The following DCDC1 variants were observed in gnomAD, a reference collection of about 807,000 sequenced individuals.
The protein encoded by DCDC1 is doublecortin domain containing 1.
Under a neutral mutation model 178.3 loss-of-function variants are expected in DCDC1, and 200 were observed. That is an observed-to-expected ratio of 1.12 (90% CI 1.00 to 1.26). The LOEUF is 1.26. Among genes scored for constraint, DCDC1 ranks in the 50% most tolerant of loss-of-function variants. The pLI is 0.00. For synonymous variants in DCDC1, 690 were observed against 604.8 expected (o/e 1.14, Z -2.07); for missense variants, 1,983 against 1,749.2 (o/e 1.13, Z -2.38).
chr11:30,870,644 T>C (rs1478291064), intron 38 of DCDC1, among the ~76,000 whole-genome samples: 4 of 152,222 alleles, frequency 2.6e-5, no homozygotes, highest in Non-Finnish European at 5.9e-5. Flanking sequence ...GTTTTGCCAG[T>C]CTCTGCAACA....
At chr11:31,191,688 A>G (rs559973531) in intron 9 of DCDC1, among the ~76,000 whole-genome samples, 1 of 152,168 alleles carries the variant, frequency 6.6e-6, no homozygotes, top group Admixed American at 6.6e-5. Flanking sequence ...AGTGATGTCC[A>G]TGGAGGGTTG....
intron 2 of DCDC1, among the ~76,000 whole-genome samples, chr11:31,334,477 T>G (rs997086646): frequency 6.6e-6 from 1 of 152,238 alleles, no homozygotes; most frequent in African/African-American, 2.4e-5. Flanking sequence ...TTTTTAGAAT[T>G]GTCAGCTTTT....
At chr11:31,318,872 G>C (rs1949224078) in intron 3 of DCDC1, among the ~76,000 whole-genome samples, 1 of 61,878 alleles carries the variant, frequency 1.6e-5, no homozygotes, top group Non-Finnish European at 2.8e-5. Context: ...TGTTCTCGTT[G>C]GTTTCAAAGA....
At chr11:31,048,646 G>A (rs1955025537) in intron 20 of DCDC1, among the ~76,000 whole-genome samples, 1 of 152,156 alleles carries the variant, frequency 6.6e-6, no homozygotes. Context: ...GAGGTCAGGA[G>A]ATCGAGACCA....
Position 31,094,042 on chromosome 11 carries a change from T to A in DCDC1, c.2118+8A>T. ...GGTCACTCAGCAAAAGCAGACACTC[T>A]TAGGTACCTTGGTGATCAGCCACAC... On this transcript the variant is annotated splice_region_variant and intron_variant, in intron 16 of 38. Transcript: ENST00000684477. The A allele has an allele frequency of 1.3e-6, 1 of 765,900 alleles. No homozygotes were observed. Among genetic ancestry groups the A allele is most frequent in the Non-Finnish European group, 2.4e-6 (1 of 417,630 alleles). 47.4% of individuals were successfully genotyped at this position (765,900 alleles called of 1,614,324 possible). A position where few individuals can be genotyped will look rare whatever the true frequency, so the allele number is the denominator to read the frequency against.
chr11:31,290,836 A>G lies in DCDC1; in HGVS notation c.771T>C (p.Ile257=). The G allele has an allele frequency of 1.2e-6, 2 of 1,611,330 alleles. No homozygotes were observed. Among genetic ancestry groups the G allele is most frequent in the Non-Finnish European group, 1.7e-6 (2 of 1,178,890 alleles). Residue 257 remains isoleucine, a synonymous_variant, in exon 7 of 39, where the codon ATT becomes ATC. Coordinates refer to ENST00000684477, the MANE Select transcript of DCDC1 (RefSeq NM_001387274.1). The part of the protein sequence containing the change: ...FKKIKDHLLL[I]KKVTWTMNGL... ...CATTCATTGTCCAAGTTACTTTCTTAATTAACAACAGATGGTCTAGAAGAT... is the reference window on the plus strand; with the variant it reads ...CATTCATTGTCCAAGTTACTTTCTTGATTAACAACAGATGGTCTAGAAGAT...
intron 20 of DCDC1, among the ~76,000 whole-genome samples, chr11:31,055,203 T>C (rs1009982893): frequency 1.3e-5 from 2 of 151,928 alleles, no homozygotes; most frequent in African/African-American, 4.8e-5. Flanking sequence ...CAAAAGAAGA[T>C]ATACAAATGG....
At chr11:31,214,544 G>A (rs369316416) in intron 9 of DCDC1, among the ~76,000 whole-genome samples, 50 of 152,140 alleles carry the variant, frequency 3.3e-4, no homozygotes, top group East Asian at 7.7e-4. Context: ...TCCTGACCAC[G>A]CCCTCAATGA....
chr11:31,226,590 C>T (rs537597006), intron 9 of DCDC1, among the ~76,000 whole-genome samples: 75 of 150,914 alleles, frequency 5.0e-4, no homozygotes, highest in Non-Finnish European at 5.2e-4. Flanking sequence ...TCCAATGTTA[C>T]ATCAGAAACT....
chr11:31,245,789 T>C (rs1565490648), intron 8 of DCDC1, among the ~76,000 whole-genome samples: 1 of 151,790 alleles, frequency 6.6e-6, no homozygotes, highest in African/African-American at 2.4e-5. Flanking sequence ...CTCTTTTAAA[T>C]AAAAAAGGTA....
intron 1 of DCDC1, among the ~76,000 whole-genome samples, chr11:31,363,804 G>A (rs2133403106): frequency 6.6e-6 from 1 of 152,148 alleles, no homozygotes; most frequent in Admixed American, 6.6e-5. Context: ...AAAAATTCAG[G>A]ATTAAAAAAC....
At chr11:31,009,438 T>TTGTG (rs139389381) in intron 20 of DCDC1, among the ~76,000 whole-genome samples, 6,490 of 144,440 alleles carry the variant, frequency 0.045, 211 homozygotes, top group Admixed American at 0.1. Flanking sequence ...CACAGTTTCT[T>TTGTG]TGTGTGTGTG....
chr11:31,341,424 T>TAGATAGATAGATAGATAGATAGATAGAC (rs1555184029), intron 1 of DCDC1, among the ~76,000 whole-genome samples: 3 of 150,338 alleles, frequency 2.0e-5, no homozygotes, highest in Non-Finnish European at 3.0e-5. Context: ...GATAGATAGA[T>TAGATAGATAGATAGATAGATAGATAGAC]AGATAGATAG....
chr11:31,309,442 G>C (rs958536362), intron 3 of DCDC1, among the ~76,000 whole-genome samples: 1 of 152,152 alleles, frequency 6.6e-6, no homozygotes, highest in Non-Finnish European at 1.5e-5. Flanking sequence ...GATAACGGTG[G>C]TGAGTGACGG....
intron 20 of DCDC1, among the ~76,000 whole-genome samples, chr11:31,004,337 C>A (rs952155322): frequency 6.6e-6 from 1 of 151,914 alleles, no homozygotes; most frequent in Non-Finnish European, 1.5e-5. Context: ...TCCAGAATGT[C>A]TGAATCAAAA....
At chr11:31,148,102 G>C (rs1472920553) in intron 9 of DCDC1, among the ~76,000 whole-genome samples, 2 of 149,766 alleles carry the variant, frequency 1.3e-5, no homozygotes, top group East Asian at 4.0e-4. Flanking sequence ...TGGCATTCCT[G>C]ATCATGGCAG....
chr11:31,033,586 AGTT>A (rs1484214323), intron 20 of DCDC1, among the ~76,000 whole-genome samples: 2 of 152,182 alleles, frequency 1.3e-5, no homozygotes, highest in Non-Finnish European at 2.9e-5. Context: ...TATATTTCCC[AGTT>A]GGGCATAGCT....
At chr11:31,190,825 T>C (rs1044350442) in intron 9 of DCDC1, among the ~76,000 whole-genome samples, 13 of 152,118 alleles carry the variant, frequency 8.5e-5, no homozygotes, top group African/African-American at 3.1e-4. Context: ...TTGTGATTTC[T>C]TTTTTTCTAT....
rs191426846 is a variant in DCDC1 at position 30,874,227 on chromosome 11, C to T, written c.*40+4317G>A. 1.2e-3 allele frequency among the ~76,000 whole-genome samples: 183 copies of T among 152,270 alleles called. 1 individual carries two copies. The highest frequency in any genetic ancestry group is 3.4e-3 in the African/African-American group (143 of 41,562). On this transcript the variant is annotated intron_variant, in intron 38 of 38. Coordinates refer to ENST00000684477, the MANE Select transcript of DCDC1 (RefSeq NM_001387274.1). ...GGCAAAGTTTCTTACACTGTGGTCA[C>T]GACGTGCTTCTTCCCAGGTGCTTGT...
Sources: allele counts gnomAD v4.1 joint callset (sites outside exome capture counted in the v4.1 genomes callset), GRCh38; gene constraint gnomAD v4.1.1; transcripts MANE v1.5; gene names NCBI Gene and HGNC (gene_info 2026-07-23, HGNC 2026-07-21).